Variants in KLHL40 observed in about 807,000 individuals in gnomAD.
KLHL40 encodes kelch like family member 40, also known as kelch-like protein 40.
Under a neutral mutation model 49.7 loss-of-function variants are expected in KLHL40, and 44 were observed. The observed-to-expected ratio is 0.89, with a 90% CI of 0.70 to 1.14. The LOEUF is 1.14. KLHL40 is among the 50% of genes most tolerant of loss of function. The probability of loss-of-function intolerance (pLI) is 0.00; values close to 1 mark genes in which losing one functional copy is unlikely to be tolerated. For missense variants in KLHL40, 892 were observed against 850.3 expected (o/e 1.05, Z -0.61); for synonymous variants, 409 against 365.2 (o/e 1.12, Z -1.37).
intron 4 of KLHL40, 85 bp from the exon 5 acceptor site, chr3:42,690,774 G>GT: frequency 6.9e-7 from 1 of 1,445,086 alleles, no homozygotes; most frequent in South Asian, 1.3e-5. Context: ...AAGGGTTGCA[G>GT]TTGGAGCTGT....
In KLHL40 at chr3:42,688,141, G is replaced by T; in HGVS notation, c.1153-1G>T. On this transcript the variant is annotated splice_acceptor_variant, in intron 1 of 5. Transcript: ENST00000287777. LOFTEE classifies it high-confidence loss of function. This position sits in a 1 kb window ranked among gnomAD's most constrained non-coding sequence, Gnocchi z 4.2. ...TAGCTGACTGGACACCTGGCCTGCA[G>T]TTTGACCATCTGGACTCAGAGTGGC... 2 of 1,613,978 alleles carry T rather than the reference G, an allele frequency of 1.2e-6. No homozygotes were observed. The highest frequency in any genetic ancestry group is 8.5e-7 in the Non-Finnish European group (1 of 1,180,010).
At chr3:42,690,411 G>A (rs1369928266) in intron 4 of KLHL40, among the ~76,000 whole-genome samples, 1 of 152,220 alleles carries the variant, frequency 6.6e-6, no homozygotes, top group African/African-American at 2.4e-5. Flanking sequence ...AGGAGCCAGG[G>A]TAGCGAAGAT....
At chr3:42,691,603 G>C (rs1697370194) in intron 5 of KLHL40, among the ~76,000 whole-genome samples, 1 of 152,042 alleles carries the variant, frequency 6.6e-6, no homozygotes, top group Non-Finnish European at 1.5e-5. Context: ...GGGTGGTGTG[G>C]GCAGTGTAGA....
intron 5 of KLHL40, among the ~76,000 whole-genome samples, chr3:42,691,299 A>C (rs1697362317): frequency 6.6e-6 from 1 of 152,114 alleles, no homozygotes; most frequent in South Asian, 2.1e-4. Flanking sequence ...AACAGGGCCC[A>C]AATAGCAGCC....
rs1325498125 is a variant in KLHL40, at chr3:42,688,516, A to G, written c.1314-94A>G. 23 of 1,045,628 alleles carry G rather than the reference A, an allele frequency of 2.2e-5. No individual in the cohort carries two copies. Among genetic ancestry groups the G allele is most frequent in the Non-Finnish European group, 3.4e-5 (23 of 686,256 alleles). The allele number at this position is 1,045,628 out of a possible 1,614,324, so 64.8% of individuals were successfully genotyped here. Reference sequence around the variant, plus strand: ...GCAATGGATCTGACGCATCTCGAATATGTGTTAGGTGGATGGGCGGATGGG... The same window carrying G: ...GCAATGGATCTGACGCATCTCGAATGTGTGTTAGGTGGATGGGCGGATGGG... On this transcript the variant is annotated intron_variant, in intron 2 of 5. Coordinates refer to ENST00000287777, the MANE Select transcript of KLHL40 (RefSeq NM_152393.4). This position sits in a 1 kb window ranked among gnomAD's most constrained non-coding sequence, Gnocchi z 4.2.
In KLHL40 at chr3:42,685,681, CGG is replaced by C; in HGVS notation, c.65_66del (p.Gly22AlafsTer76). The C allele has an allele frequency of 6.2e-7, 1 of 1,612,882 alleles. No individual in the cohort carries two copies. Among genetic ancestry groups the C allele is most frequent in the Non-Finnish European group, 8.5e-7 (1 of 1,179,684 alleles). On this transcript the variant is annotated frameshift_variant, in exon 1 of 6. Coordinates refer to ENST00000287777, the MANE Select transcript of KLHL40 (RefSeq NM_152393.4). LOFTEE classifies it high-confidence loss of function. Reference sequence around the variant, plus strand: ...TGTACCAGCAGACGCTCCTGCAAGACGGGCTCAAAGACATGCTGGACCATGGC... The same window carrying C: ...TGTACCAGCAGACGCTCCTGCAAGACGCTCAAAGACATGCTGGACCATGGC... ...RLYQQTLLQD[G>X]LKDMLDHGKF...
Position 42,692,316 on chromosome 3 carries a change from C to T in KLHL40, c.*323C>T, listed in dbSNP as rs1378577868. The T allele has an allele frequency of 1.1e-5, 5 of 441,512 alleles. No homozygotes were observed. Among genetic ancestry groups the T allele is most frequent in the African/African-American group, 3.9e-5 (2 of 51,242 alleles). 27.3% of individuals were successfully genotyped at this position (441,512 alleles called of 1,614,324 possible). On this transcript the variant is annotated 3_prime_UTR_variant, in exon 6 of 6. Coordinates refer to ENST00000287777, the MANE Select transcript of KLHL40 (RefSeq NM_152393.4). ...AGCTGAGTGTGCTGGCAAAGTTCCC[C>T]ACAGGACTCAGCCTTCTCGTCTGTC...
At position 42,686,453 on chromosome 3, in the gene KLHL40, G is replaced by A. The variant is rs776727983; in HGVS notation, c.835G>A (p.Gly279Arg). Residue 279 changes from glycine to arginine, a missense_variant, in exon 1 of 6, where the codon GGG (glycine) becomes AGG (arginine). By Grantham distance (125) the Gly-to-Arg change is moderately radical (BLOSUM62 -2). Transcript: ENST00000287777. The part of the protein sequence containing the change: ...RKKKKGKDGA[G>R]AKEADKGTSK... ...GAAAAAGAAGGGGAAGGATGGAGCC[G>A]GGGCCAAGGAGGCTGATAAGGGCAC... is the stretch of plus-strand genomic sequence containing the variant. 2.7e-5 allele frequency: 44 copies of A among 1,613,872 alleles called. No individual in the cohort carries two copies. The highest frequency in any genetic ancestry group is 3.6e-5 in the Non-Finnish European group (43 of 1,179,992).
chr3:42,689,186 T>A, intron 4 of KLHL40, 132 bp downstream of exon 4: 1 of 791,152 alleles, frequency 1.3e-6, no homozygotes, highest in African/African-American at 1.7e-5. Flanking sequence ...ATAGGCTTTC[T>A]CTCCTGATCA....
chr3:42,686,910 T>G, intron 1 of KLHL40, 140 bp downstream of exon 1: 1 of 705,186 alleles, frequency 1.4e-6, no homozygotes, highest in Non-Finnish European at 2.4e-6. Flanking sequence ...GGAGGTTGAC[T>G]GATAGCCACC....
At chr3:42,691,564 T>C (rs901296537) in intron 5 of KLHL40, among the ~76,000 whole-genome samples, 1 of 151,908 alleles carries the variant, frequency 6.6e-6, no homozygotes, top group African/African-American at 2.4e-5. Context: ...AAATGGAGCA[T>C]GGAAATTCTC....
chr3:42,691,285 CAG>C (rs1312923543), intron 5 of KLHL40, among the ~76,000 whole-genome samples: 2 of 152,160 alleles, frequency 1.3e-5, no homozygotes, highest in African/African-American at 4.8e-5. Context: ...CATAGACTCA[CAG>C]AAACAGGGCC....
Position 42,686,582 on chromosome 3 carries a change from A to G in KLHL40, c.964A>G (p.Met322Val), listed in dbSNP as rs1258768273. Residue 322 changes from methionine to valine, a missense_variant, in exon 1 of 6, where the codon ATG becomes GTG. Transcript: ENST00000287777. ...CATGTTCCTGCAGGATCTCATCTTCATGATCAGTGAGGAGGGCGCTGTGGC... is the reference window on the plus strand; with the variant it reads ...CATGTTCCTGCAGGATCTCATCTTCGTGATCAGTGAGGAGGGCGCTGTGGC... ...FGMFLQDLIF[M>V]ISEEGAVAYD... is the part of the protein sequence containing the mutation. The G allele has an allele frequency of 6.2e-7, 1 of 1,614,080 alleles. No individual in the cohort carries two copies. The highest frequency in any genetic ancestry group is 8.5e-7 in the Non-Finnish European group (1 of 1,180,016).
At chr3:42,691,433 G>A (rs1436470165) in intron 5 of KLHL40, among the ~76,000 whole-genome samples, 2 of 152,108 alleles carry the variant, frequency 1.3e-5, no homozygotes, top group Admixed American at 1.3e-4. Context: ...CCTTTGTGGG[G>A]GTGGGAGAAG....
chr3:42,685,860 T>C lies in KLHL40; in HGVS notation c.242T>C (p.Val81Ala), dbSNP rs1453750860. 1.2e-6 allele frequency: 2 copies of C among 1,613,152 alleles called. No homozygotes were observed. Among genetic ancestry groups the C allele is most frequent in the South Asian group, 1.1e-5 (1 of 91,092 alleles). Residue 81 changes from valine to alanine, a missense_variant, in exon 1 of 6, where the codon GTG (valine) becomes GCG (alanine). By Grantham distance (64) the Val-to-Ala change is moderately conservative (BLOSUM62 0). Coordinates refer to ENST00000287777, the MANE Select transcript of KLHL40 (RefSeq NM_152393.4). ...ELHLEEVSPD[V>A]VAQVLHYLYT... Reference sequence around the variant, plus strand: ...CACCTGGAGGAGGTGTCCCCGGACGTGGTGGCCCAGGTGCTGCACTACCTG... The same window carrying C: ...CACCTGGAGGAGGTGTCCCCGGACGCGGTGGCCCAGGTGCTGCACTACCTG...
At chr3:42,691,722 G>A (rs1272323578) in intron 5 of KLHL40, among the ~76,000 whole-genome samples, 160 bp from the exon 6 acceptor site, 1 of 151,920 alleles carries the variant, frequency 6.6e-6, no homozygotes, top group African/African-American at 2.4e-5. Flanking sequence ...CTTGGGGTGG[G>A]TCTTGTGGGG....
At chr3:42,687,112 G>T (rs1697285164) in intron 1 of KLHL40, among the ~76,000 whole-genome samples, 3 of 152,220 alleles carry the variant, frequency 2.0e-5, no homozygotes, top group South Asian at 2.1e-4. Context: ...TCTGCGTGAA[G>T]GCCAGGCCCG....
At chr3:42,689,098 T>A in intron 4 of KLHL40, 44 bp downstream of exon 4, 1 of 1,548,610 alleles carries the variant, frequency 6.5e-7, no homozygotes, top group East Asian at 2.3e-5. Flanking sequence ...TGCATGGCTT[T>A]GGGCTTCTGT....
At chr3:42,687,728 G>C (rs1001389596) in intron 1 of KLHL40, among the ~76,000 whole-genome samples, 2 of 149,358 alleles carry the variant, frequency 1.3e-5, no homozygotes, top group African/African-American at 5.1e-5. Flanking sequence ...GGTGGACAAG[G>C]CTGTGGACTG....
Sources: allele counts gnomAD v4.1 joint callset (sites outside exome capture counted in the v4.1 genomes callset), GRCh38; gene constraint gnomAD v4.1.1; non-coding constraint Gnocchi (gnomAD v3.1); transcripts MANE v1.5; gene names NCBI Gene and HGNC (gene_info 2026-07-23, HGNC 2026-07-21).